Variants in GOLIM4 observed in about 807,000 individuals in gnomAD.
GOLIM4 encodes the protein 130 kDa golgi-localized phosphoprotein.
GOLIM4 carries 71 observed loss-of-function variants against 107.4 expected under a neutral mutation model. The observed-to-expected ratio is 0.66, with a 90% CI of 0.55 to 0.81. The LOEUF (loss-of-function observed/expected upper bound fraction) is 0.81, where lower values mean the gene tolerates loss of function less well. Among genes scored for constraint, GOLIM4 ranks in the 30% least tolerant of loss-of-function variants. GOLIM4 has a pLI of 0.00. For synonymous variants in GOLIM4, 327 were observed against 294.8 expected (o/e 1.11, Z -1.12); for missense variants, 830 against 826.1 (o/e 1.00, Z -0.06).
intron 1 of GOLIM4, among the ~76,000 whole-genome samples, chr3:168,049,113 CTG>C (rs1719479461): frequency 6.6e-6 from 1 of 152,184 alleles, no homozygotes; most frequent in Admixed American, 6.5e-5. Flanking sequence ...CCAGTCTACT[CTG>C]AAGAATCCAG....
chr3:168,026,553 A>G (rs1718004735), intron 12 of GOLIM4, among the ~76,000 whole-genome samples: 1 of 152,168 alleles, frequency 6.6e-6, no homozygotes, highest in South Asian at 2.1e-4. Flanking sequence ...ACAGGAAAGT[A>G]AAGGATCATA....
Position 168,053,157 on chromosome 3 carries a change from C to G in GOLIM4, c.188-4792G>C, listed in dbSNP as rs377123354. On this transcript the variant is annotated intron_variant, in intron 1 of 15. Coordinates refer to ENST00000470487, the MANE Select transcript of GOLIM4 (RefSeq NM_014498.5). Reference sequence around the variant, plus strand: ...CAATTTTCCATTTTAACTCTGACTTCCATTTGAAAGTCACACGAGAAATCA... The same window carrying G: ...CAATTTTCCATTTTAACTCTGACTTGCATTTGAAAGTCACACGAGAAATCA... 1.6e-4 allele frequency among the ~76,000 whole-genome samples: 24 copies of G among 152,314 alleles called. No individual in the cohort carries two copies. The South Asian group carries it at 4.8e-3, about 30-fold the overall frequency.
At chr3:168,035,702 G>A (rs1028393076) in intron 8 of GOLIM4, among the ~76,000 whole-genome samples, 2 of 152,102 alleles carry the variant, frequency 1.3e-5, no homozygotes, top group African/African-American at 4.8e-5. Flanking sequence ...TAAATAGCTG[G>A]GTGATAAGAT....
At chr3:168,057,292 CTT>C (rs1179647076) in intron 1 of GOLIM4, among the ~76,000 whole-genome samples, 1 of 152,178 alleles carries the variant, frequency 6.6e-6, no homozygotes, top group East Asian at 1.9e-4. Context: ...TTGGGTATGT[CTT>C]TATCAGCAGC....
chr3:168,073,204 A>G (rs1246348778), intron 1 of GOLIM4, among the ~76,000 whole-genome samples: 1 of 152,170 alleles, frequency 6.6e-6, no homozygotes, highest in African/African-American at 2.4e-5. Context: ...TTGTTCTCAT[A>G]TGATCCGTAT....
chr3:168,086,645 T>C lies in GOLIM4; in HGVS notation c.187+8454A>G, dbSNP rs574284398. On this transcript the variant is annotated intron_variant, in intron 1 of 15. Transcript: ENST00000470487. Reference sequence around the variant, plus strand: ...ATTGTGACATTTTATGTATGAAAAATAGTTAAAGCAGTATTTTTTAAAATG... The same window carrying C: ...ATTGTGACATTTTATGTATGAAAAACAGTTAAAGCAGTATTTTTTAAAATG... Among the ~76,000 whole-genome samples, 12 of 152,266 alleles carry C rather than the reference T, an allele frequency of 7.9e-5. No individual in the cohort carries two copies. In the South Asian group the frequency reaches 2.5e-3, roughly 32 times the overall value.
Position 168,032,850 on chromosome 3 carries a change from C to G in GOLIM4, c.846G>C (p.Val282=), listed in dbSNP as rs1468012650. ...REKPTREVQE[V]SRNNDVWQNH... ...TCTGCCACACATCATTATTTCGAGA[C>G]ACCTAGGCCAAGCACATCACTGGGA... The change falls in exon 9 of 16, where the codon GTG becomes GTC. Residue 282 remains valine, a splice_region_variant and synonymous_variant. Coordinates refer to ENST00000470487, the MANE Select transcript of GOLIM4 (RefSeq NM_014498.5). 1 of 1,605,910 alleles carries G rather than the reference C, an allele frequency of 6.2e-7. No homozygotes were observed.
rs1261751432 is a variant in GOLIM4, at chr3:168,009,128, GT to G, written c.*1140del. 3 of 151,920 alleles carry G rather than the reference GT, an allele frequency of 2.0e-5. No homozygotes were observed. Among genetic ancestry groups the G allele is most frequent in the Non-Finnish European group, 4.4e-5 (3 of 67,980 alleles). The allele number at this position is 151,920 out of a possible 1,614,324, so 9.4% of individuals were successfully genotyped here. On this transcript the variant is annotated 3_prime_UTR_variant, in exon 16 of 16. Coordinates refer to ENST00000470487, the MANE Select transcript of GOLIM4 (RefSeq NM_014498.5). ...CTGAAATGTCTCTACTCCAAGGGAA[GT>G]TTCTGATTTTTAATTTTCTTATTTT... is the stretch of plus-strand genomic sequence containing the variant.
rs147673223 is a variant in GOLIM4, at chr3:168,036,312, G to A, written c.843+524C>T. ...TCCCAGCACTTTGGGAAGCCAAGGC[G>A]GGCGGATCACCTGAGGTCAGGAGTT... On this transcript the variant is annotated intron_variant, in intron 8 of 15. Transcript: ENST00000470487. Among the ~76,000 whole-genome samples the A allele has an allele frequency of 5.7e-3, 874 of 152,266 alleles. 8 individuals carry two copies. The highest frequency in any genetic ancestry group is 0.018 in the African/African-American group (764 of 41,548).
At chr3:168,080,686 C>A (rs1299612638) in intron 1 of GOLIM4, among the ~76,000 whole-genome samples, 1 of 152,202 alleles carries the variant, frequency 6.6e-6, no homozygotes, top group African/African-American at 2.4e-5. Context: ...CTGAAGCCCA[C>A]ACGCCCCATT....
At chr3:168,075,408 T>C (rs1178271390) in intron 1 of GOLIM4, among the ~76,000 whole-genome samples, 1 of 145,866 alleles carries the variant, frequency 6.9e-6, no homozygotes, top group Non-Finnish European at 1.5e-5. Context: ...GCCATTCTCC[T>C]GCCTCAGCCT....
intron 14 of GOLIM4, among the ~76,000 whole-genome samples, chr3:168,021,756 T>C (rs1362124243): frequency 6.6e-6 from 1 of 152,194 alleles, no homozygotes; most frequent in Non-Finnish European, 1.5e-5. Flanking sequence ...ACGTACATAT[T>C]TGGCCAGTGA....
At position 168,029,266 on chromosome 3, in the gene GOLIM4, G is replaced by A. The variant is rs749869519; in HGVS notation, c.1470C>T (p.Ile490=). ...TTCCCTGGTCCTCTGCTCCCTGAAC[G>A]ATATCATTATCCATAGCATCATAAT... ...QAHYDAMDND[I]VQGAEDQGIQ... is the part of the protein sequence containing the mutation. The change falls in exon 11 of 16, where the codon ATC becomes ATT. Residue 490 remains isoleucine (I), a synonymous_variant. Coordinates refer to ENST00000470487, the MANE Select transcript of GOLIM4 (RefSeq NM_014498.5). The A allele has an allele frequency of 9.3e-6, 15 of 1,610,026 alleles. No homozygotes were observed. The highest frequency in any genetic ancestry group is 1.1e-5 in the Non-Finnish European group (13 of 1,177,410).
chr3:168,010,892 ACT>A (rs1716973574), intron 14 of GOLIM4, 69 bp from the exon 15 acceptor site: 3 of 1,039,610 alleles, frequency 2.9e-6, no homozygotes, highest in East Asian at 2.4e-5. Flanking sequence ...ATATTTTGAC[ACT>A]GTTATCATTT....
chr3:168,056,949 T>C (rs181874271), intron 1 of GOLIM4, among the ~76,000 whole-genome samples: 3 of 152,198 alleles, frequency 2.0e-5, no homozygotes, highest in Admixed American at 2.0e-4. Flanking sequence ...TTTTGAAATG[T>C]GAGGGCATGA....
At chr3:168,064,883 T>C (rs2108271807) in intron 1 of GOLIM4, among the ~76,000 whole-genome samples, 1 of 152,194 alleles carries the variant, frequency 6.6e-6, no homozygotes, top group South Asian at 2.1e-4. Flanking sequence ...ATTTTTCTTT[T>C]CAACCTTATT....
rs562372729 is a variant in GOLIM4, at chr3:168,079,638, C to A, written c.187+15461G>T. ...ATATTTGGTTGCGCTATACACATGC[C>A]CAATACTTTGTTCAGGGTTTTAATC... On this transcript the variant is annotated intron_variant, in intron 1 of 15. Transcript: ENST00000470487. Among the ~76,000 whole-genome samples, 211 of 151,898 alleles carry A rather than the reference C, an allele frequency of 1.4e-3. 1 individual carries two copies. Among genetic ancestry groups the A allele is most frequent in the African/African-American group, 5.0e-3 (209 of 41,406 alleles).
intron 1 of GOLIM4, among the ~76,000 whole-genome samples, chr3:168,064,083 T>G (rs1720418530): frequency 6.6e-6 from 1 of 152,196 alleles, no homozygotes; most frequent in South Asian, 2.1e-4. Context: ...AGATTGGCAT[T>G]TGCCTTCACC....
At chr3:168,054,244 G>C (rs914367613) in intron 1 of GOLIM4, among the ~76,000 whole-genome samples, 3 of 152,116 alleles carry the variant, frequency 2.0e-5, no homozygotes, top group Non-Finnish European at 4.4e-5. Context: ...CCCAGGCCTG[G>C]GGGGGCAAAA....
Sources: gnomAD v4.1 joint callset for allele counts (sites outside exome capture counted in the v4.1 genomes callset) on GRCh38, gnomAD v4.1.1 for gene constraint, MANE v1.5 for transcripts, NCBI Gene and HGNC (gene_info 2026-07-23, HGNC 2026-07-21) for gene names.